Variants in CD320 observed in about 807,000 individuals in gnomAD.
The protein encoded by CD320 is CD320 antigen.
CD320 carries 16 observed loss-of-function variants against 22.1 expected under a neutral mutation model. The observed-to-expected ratio is 0.73, with a 90% CI of 0.49 to 1.10. CD320 has a LOEUF of 1.10. Among genes scored for constraint, CD320 ranks in the 50% least tolerant of loss-of-function variants. The pLI, the probability that CD320 is intolerant of heterozygous loss-of-function variation, is 0.00. For missense variants in CD320, 388 were observed against 376.9 expected (o/e 1.03, Z -0.24); for synonymous variants, 188 against 167.8 (o/e 1.12, Z -0.93).
chr19:8,304,267 G>C (rs1478689347), intron 2 of CD320, among the ~76,000 whole-genome samples, 179 bp from the exon 3 acceptor site: 1 of 152,172 alleles, frequency 6.6e-6, no homozygotes, highest in Non-Finnish European at 1.5e-5. Context: ...AGGCCTCCCT[G>C]CAAGCTCTTC....
chr19:8,305,913 T>C (rs1970082921), intron 1 of CD320: 1 of 152,146 alleles, frequency 6.6e-6, no homozygotes, highest in Non-Finnish European at 1.5e-5. Context: ...GGAGGGTCTA[T>C]CTCCTCTGCG....
chr19:8,303,782 C>G (rs1473830302), intron 3 of CD320, 73 bp downstream of exon 3: 8 of 1,046,226 alleles, frequency 7.6e-6, no homozygotes, highest in Admixed American at 2.0e-5. Flanking sequence ...ACGCCCCCAG[C>G]CTGGCCACGC....
rs532044334 is a variant in CD320 at position 8,308,023 on chromosome 19, G to C, written c.142+126C>G. The C allele has an allele frequency of 2.0e-4, 198 of 1,002,840 alleles. No individual in the cohort carries two copies. The East Asian group carries it at 4.0e-3, about 21-fold the overall frequency. 62.1% of individuals were successfully genotyped at this position (1,002,840 alleles called of 1,614,324 possible). ...CCTTCCCACAAGCGATGAAGTCCAA[G>C]TCCACGTGCTGGGGGAGTGTCATGA... is the stretch of plus-strand genomic sequence containing the variant. On this transcript the variant is annotated intron_variant, in intron 1 of 4. Transcript: ENST00000301458.
rs2232771 is a variant in CD320 at position 8,308,336 on chromosome 19, C to G, written c.-46G>C. 6.4e-7 allele frequency: 1 copy of G among 1,568,856 alleles called. No homozygotes were observed. Among genetic ancestry groups the G allele is most frequent in the Non-Finnish European group, 8.6e-7 (1 of 1,164,662 alleles). ...GGCCACGCGCTGTCCAGACCGCTCT[C>G]TTATCCCTGCGCACGCGCACGCGCG... On this transcript the variant is annotated 5_prime_UTR_variant, in exon 1 of 5. Coordinates refer to ENST00000301458, the MANE Select transcript of CD320 (RefSeq NM_016579.4).
At chr19:8,308,014 G>T (rs1970119164) in intron 1 of CD320, 135 bp downstream of exon 1, 5 of 936,768 alleles carry the variant, frequency 5.3e-6, no homozygotes, top group Non-Finnish European at 7.5e-6. Context: ...CACAAGCGAT[G>T]AAGTCCAAGT....
At chr19:8,307,467 C>T (rs1173602826) in intron 1 of CD320, among the ~76,000 whole-genome samples, 1 of 152,130 alleles carries the variant, frequency 6.6e-6, no homozygotes, top group Non-Finnish European at 1.5e-5. Context: ...GAGCCCAGGG[C>T]TGCAAGTTGG....
intron 1 of CD320, among the ~76,000 whole-genome samples, chr19:8,306,412 G>A (rs1970088316): frequency 6.6e-6 from 1 of 152,208 alleles, no homozygotes; most frequent in South Asian, 2.1e-4. Flanking sequence ...CCTAGATTCT[G>A]AGCAGGGAAG....
Position 8,302,725 on chromosome 19 carries a change from C to T in CD320, c.706+52G>A. The T allele has an allele frequency of 1.9e-6, 3 of 1,609,280 alleles. No individual in the cohort carries two copies. In the South Asian group the frequency reaches 3.3e-5, roughly 18 times the overall value. ...GCTCATCCCTCCCCACCCACCTCCC[C>T]TGAATCCCCGGAGCTCTAAGCCCCC... On this transcript the variant is annotated intron_variant, in intron 4 of 4. Transcript: ENST00000301458.
rs201166605 is a variant in CD320 at position 8,303,945 on chromosome 19, G to C, written c.412C>G (p.Arg138Gly). 6.3e-7 allele frequency: 1 copy of C among 1,594,076 alleles called. No individual in the cohort carries two copies. The highest frequency in any genetic ancestry group is 8.5e-7 in the Non-Finnish European group (1 of 1,170,822). Residue 138 changes from arginine to glycine, a missense_variant, in exon 3 of 5, where the codon CGT (arginine) becomes GGT (glycine). Physicochemically the swap from Arg to Gly is moderately radical, Grantham distance 125 (BLOSUM62 -2). Coordinates refer to ENST00000301458, the MANE Select transcript of CD320 (RefSeq NM_016579.4). ...SRLACLAGEL[R>G]CTLSDDCIPL... ...ATGCAGTCATCGCTCAGCGTGCAAC[G>C]GAGCTCGCCTGCTAGGCAGGCCAGG...
chr19:8,308,350 C>G lies in CD320; in HGVS notation c.-60G>C, dbSNP rs900670902. ...CAGACCGCTCTCTTATCCCTGCGCACGCGCACGCGCGGGGTTGGGGCGGGG... is the reference window on the plus strand; with the variant it reads ...CAGACCGCTCTCTTATCCCTGCGCAGGCGCACGCGCGGGGTTGGGGCGGGG... On this transcript the variant is annotated 5_prime_UTR_variant, in exon 1 of 5. Coordinates refer to ENST00000301458, the MANE Select transcript of CD320 (RefSeq NM_016579.4). 1 of 1,549,408 alleles carries G rather than the reference C, an allele frequency of 6.5e-7. No individual in the cohort carries two copies. The highest frequency in any genetic ancestry group is 1.4e-5 in the African/African-American group (1 of 73,194).
intron 3 of CD320, 32 bp from the exon 4 acceptor site, chr19:8,303,012 G>A (rs201027249): frequency 1.9e-6 from 3 of 1,595,800 alleles, no homozygotes; most frequent in East Asian, 2.2e-5. Flanking sequence ...AGTAGTTGAG[G>A]AGAGAGCACT....
Position 8,302,836 on chromosome 19 carries a change from G to A in CD320, c.647C>T (p.Ser216Phe). 1 of 1,614,128 alleles carries A rather than the reference G, an allele frequency of 6.2e-7. No homozygotes were observed. Among genetic ancestry groups the A allele is most frequent in the Non-Finnish European group, 8.5e-7 (1 of 1,179,988 alleles). ...ESVPSVGNAT[S>F]SSAGDQSGSP... ...TCCAGACTGGTCTCCGGCAGAGGAGGATGTGGCATTCCCGACAGAGGGGAC... is the reference window on the plus strand; with the variant it reads ...TCCAGACTGGTCTCCGGCAGAGGAGAATGTGGCATTCCCGACAGAGGGGAC... The change falls in exon 4 of 5, where the codon TCC becomes TTC. Residue 216 changes from serine (S) to phenylalanine (F), a missense_variant. Transcript: ENST00000301458.
At position 8,302,602 on chromosome 19, in the gene CD320, A is replaced by G. The variant is rs923058850; in HGVS notation, c.710T>C (p.Val237Ala). The change falls in exon 5 of 5, where the codon GTG becomes GCG. Residue 237 changes from valine (V) to alanine (A), a missense_variant. Coordinates refer to ENST00000301458, the MANE Select transcript of CD320 (RefSeq NM_016579.4). ...GGCGGTGACCAGGCTTGCACTGAGC[A>G]CCGCTGTGGGGAACAGATGGACAGA... ...TAYGVIAAAA[V>A]LSASLVTATL... 1.2e-6 allele frequency: 2 copies of G among 1,613,444 alleles called. No individual in the cohort carries two copies. The highest frequency in any genetic ancestry group is 1.7e-5 in the Admixed American group (1 of 60,006).
At chr19:8,305,348 C>A in intron 1 of CD320, 192 bp from the exon 2 acceptor site, 1 of 613,788 alleles carries the variant, frequency 1.6e-6, no homozygotes, top group Non-Finnish European at 2.8e-6. Context: ...GGCTCAAGAG[C>A]CCCACTGGGC....
In CD320 at chr19:8,302,168, A is replaced by G. The variant is rs777740093; in HGVS notation, c.*295T>C. 3.5e-6 allele frequency: 2 copies of G among 578,648 alleles called. No homozygotes were observed. The highest frequency in any genetic ancestry group is 3.1e-5 in the South Asian group (2 of 65,404). 35.8% of individuals were successfully genotyped at this position (578,648 alleles called of 1,614,324 possible). A position where few individuals can be genotyped will look rare whatever the true frequency, so the allele number is the denominator to read the frequency against. On this transcript the variant is annotated 3_prime_UTR_variant, in exon 5 of 5. Transcript: ENST00000301458. The stretch of plus-strand genomic sequence containing the variant: ...TTTAATTGCCACCCTCAGACGGGGC[A>G]GCAGGAGTGTCTTAAGCACAGGGCC...
chr19:8,302,243 G>A lies in CD320; in HGVS notation c.*220C>T, dbSNP rs1568555557. 7.1e-6 allele frequency: 5 copies of A among 701,458 alleles called. No individual in the cohort carries two copies. The highest frequency in any genetic ancestry group is 1.0e-5 in the Non-Finnish European group (4 of 387,708). The allele number at this position is 701,458 out of a possible 1,614,324, so 43.5% of individuals were successfully genotyped here. A position where few individuals can be genotyped will look rare whatever the true frequency, so the allele number is the denominator to read the frequency against. ...GGGCCAGCCCCTCAGTTCTGGCTGTGGCAGGTTCCCCATCCTAGCTCCCCG... is the reference window on the plus strand; with the variant it reads ...GGGCCAGCCCCTCAGTTCTGGCTGTAGCAGGTTCCCCATCCTAGCTCCCCG... On this transcript the variant is annotated 3_prime_UTR_variant, in exon 5 of 5. Coordinates refer to ENST00000301458, the MANE Select transcript of CD320 (RefSeq NM_016579.4).
Position 8,302,761 on chromosome 19 carries a change from G to C in CD320, c.706+16C>G, listed in dbSNP as rs1482413974. 1.2e-6 allele frequency: 2 copies of C among 1,613,600 alleles called. No individual in the cohort carries two copies. The highest frequency in any genetic ancestry group is 1.7e-5 in the Admixed American group (1 of 60,004). On this transcript the variant is annotated intron_variant, in intron 4 of 4. Coordinates refer to ENST00000301458, the MANE Select transcript of CD320 (RefSeq NM_016579.4). ...GAGCTCTAAGCCCCCAGCATGGGAG[G>C]GTAAGTCCCTCTTACCAGCAGCTGC... is the stretch of plus-strand genomic sequence containing the variant.
At chr19:8,307,534 C>G (rs1170686830) in intron 1 of CD320, among the ~76,000 whole-genome samples, 1 of 152,126 alleles carries the variant, frequency 6.6e-6, no homozygotes, top group Admixed American at 6.6e-5. Flanking sequence ...CTAGGGGTAT[C>G]AGAGAGGGAG....
At chr19:8,304,895 G>T (rs776369041) in intron 2 of CD320, 136 bp downstream of exon 2, 3 of 993,186 alleles carry the variant, frequency 3.0e-6, no homozygotes, top group Non-Finnish European at 1.5e-6. Flanking sequence ...CGCTTCTTAT[G>T]ACCCACAGAC....
Sources: allele counts gnomAD v4.1 joint callset (sites outside exome capture counted in the v4.1 genomes callset), GRCh38; gene constraint gnomAD v4.1.1; transcripts MANE v1.5; gene names NCBI Gene and HGNC (gene_info 2026-07-23, HGNC 2026-07-21).